TGFBR3: variants seen among roughly 807,000 people sequenced by gnomAD.
TGFBR3 encodes the protein transforming growth factor beta receptor type 3.
In TGFBR3, 46 loss-of-function variants were observed where a neutral mutation model predicts 87.9. That is an observed-to-expected ratio of 0.52 (90% CI 0.41 to 0.67). The LOEUF (loss-of-function observed/expected upper bound fraction) is 0.67, where lower values mean the gene tolerates loss of function less well. Ranked by LOEUF, TGFBR3 falls within the 30% of genes least tolerant of loss-of-function variation. The pLI, the probability that TGFBR3 is intolerant of heterozygous loss-of-function variation, is 0.00. For synonymous variants in TGFBR3, 381 were observed against 391.6 expected (o/e 0.97, Z 0.32); for missense variants, 866 against 1,041.9 (o/e 0.83, Z 2.32).
At position 91,722,054 on chromosome 1, in the gene TGFBR3, T is replaced by A. The variant is rs752812457; in HGVS notation, c.976A>T (p.Asn326Tyr). The A allele has an allele frequency of 1.5e-5, 24 of 1,613,796 alleles. No homozygotes were observed. The highest frequency in any genetic ancestry group is 1.9e-5 in the Non-Finnish European group (23 of 1,179,914). ...TTGTCCAAAGCCCACTTCACCAGAT[T>A]CCCTTGGGTTGAAGGAATGTCATCT... is the stretch of plus-strand genomic sequence containing the variant. ...IRDDIPSTQGNLVKWALDNGY... is the reference protein window; with the variant it reads ...IRDDIPSTQGYLVKWALDNGY... The change falls in exon 8 of 17, where the codon AAT (asparagine) becomes TAT (tyrosine). Residue 326 changes from asparagine to tyrosine, a missense_variant. By Grantham distance (143) the Asn-to-Tyr change is moderately radical (BLOSUM62 -2). Transcript: ENST00000212355.
At chr1:91,776,507 A>C (rs1674570949) in intron 3 of TGFBR3, among the ~76,000 whole-genome samples, 1 of 152,048 alleles carries the variant, frequency 6.6e-6, no homozygotes, top group Non-Finnish European at 1.5e-5. Context: ...AGAATACTTA[A>C]CCTCTCTTAG....
intron 2 of TGFBR3, among the ~76,000 whole-genome samples, chr1:91,849,186 C>T (rs1309119888): frequency 6.6e-6 from 1 of 152,142 alleles, no homozygotes; most frequent in East Asian, 1.9e-4. Context: ...TATTCTCAGC[C>T]CAGCAGCCAG....
intron 2 of TGFBR3, among the ~76,000 whole-genome samples, chr1:91,827,088 C>G: frequency 6.6e-6 from 1 of 152,126 alleles, no homozygotes; most frequent in East Asian, 1.9e-4. Flanking sequence ...CTTTCTGTCC[C>G]TTGCCCTCTA....
At position 91,692,489 on chromosome 1, in the gene TGFBR3, A is replaced by G. The variant is rs543729490; in HGVS notation, c.2437+3183T>C. On this transcript the variant is annotated intron_variant, in intron 16 of 16. Coordinates refer to ENST00000212355, the MANE Select transcript of TGFBR3 (RefSeq NM_003243.5). ...AAAAGTTTTACTAGAAAATAAAAAT[A>G]AAAGCATTTGTTCCTCCCTTCAAGA... Among the ~76,000 whole-genome samples, 35 of 152,318 alleles carry G rather than the reference A, an allele frequency of 2.3e-4. 1 individual carries two copies. In the South Asian group the frequency reaches 5.2e-3, roughly 23 times the overall value.
At chr1:91,771,774 T>C (rs963640906) in intron 3 of TGFBR3, among the ~76,000 whole-genome samples, 1 of 149,214 alleles carries the variant, frequency 6.7e-6, no homozygotes, top group Non-Finnish European at 1.5e-5. Context: ...TGAAGACTAA[T>C]AGCACATATA....
rs781316968 is a variant in TGFBR3 at position 91,680,507 on chromosome 1, C to T, written c.*3232G>A. 9 of 453,962 alleles carry T rather than the reference C, an allele frequency of 2.0e-5. No individual in the cohort carries two copies. The highest frequency in any genetic ancestry group is 1.2e-4 in the South Asian group (8 of 64,476). 28.1% of individuals were successfully genotyped at this position (453,962 alleles called of 1,614,324 possible). ...TGGCCACAGGGATTTTAAGGGTACT[C>T]GTTTTACCCTCATAGATGATGAAAA... On this transcript the variant is annotated 3_prime_UTR_variant, in exon 17 of 17. Coordinates refer to ENST00000212355, the MANE Select transcript of TGFBR3 (RefSeq NM_003243.5).
intron 2 of TGFBR3, among the ~76,000 whole-genome samples, chr1:91,854,733 T>A (rs1484048631): frequency 2.0e-5 from 3 of 152,188 alleles, no homozygotes; most frequent in Admixed American, 2.0e-4. Context: ...TTTTTATTTG[T>A]CAAGAGGTGC....
intron 2 of TGFBR3, among the ~76,000 whole-genome samples, chr1:91,811,224 T>C (rs1199393508): frequency 1.3e-5 from 2 of 152,074 alleles, no homozygotes; most frequent in African/African-American, 4.8e-5. Flanking sequence ...GGTGGGAGAA[T>C]CCCTTGAGCC....
At chr1:91,858,390 G>A (rs1208827622) in intron 2 of TGFBR3, among the ~76,000 whole-genome samples, 7 of 151,862 alleles carry the variant, frequency 4.6e-5, no homozygotes, top group East Asian at 1.9e-4. Context: ...CGAGGCAGGC[G>A]GATTGCCTGA....
At chr1:91,830,742 G>C (rs1471568963) in intron 2 of TGFBR3, among the ~76,000 whole-genome samples, 1 of 152,120 alleles carries the variant, frequency 6.6e-6, no homozygotes, top group Non-Finnish European at 1.5e-5. Flanking sequence ...AGGGCATAAG[G>C]AGTAGCAACT....
intron 14 of TGFBR3, among the ~76,000 whole-genome samples, chr1:91,702,766 C>T (rs893459330): frequency 2.0e-5 from 3 of 151,994 alleles, no homozygotes; most frequent in Non-Finnish European, 2.9e-5. Flanking sequence ...AAATACTGGC[C>T]GGGAGCGGTG....
chr1:91,746,449 A>G (rs1275768682), intron 4 of TGFBR3, among the ~76,000 whole-genome samples: 1 of 152,200 alleles, frequency 6.6e-6, no homozygotes, highest in African/African-American at 2.4e-5. Context: ...TGCCAATGTT[A>G]GCCTGATGGA....
At chr1:91,863,071 G>A (rs539093929) in intron 1 of TGFBR3, among the ~76,000 whole-genome samples, 15 of 152,252 alleles carry the variant, frequency 9.9e-5, no homozygotes, top group East Asian at 7.7e-4. Flanking sequence ...CTATGAGAAC[G>A]GGGGAAATAG....
At chr1:91,729,618 T>C (rs1056784953) in intron 6 of TGFBR3, among the ~76,000 whole-genome samples, 187 bp downstream of exon 6, 4 of 152,122 alleles carry the variant, frequency 2.6e-5, no homozygotes, top group Non-Finnish European at 4.4e-5. Context: ...AAAGCTTCTG[T>C]GAAACACATC....
intron 16 of TGFBR3, among the ~76,000 whole-genome samples, chr1:91,691,916 G>A (rs962974911): frequency 3.2e-4 from 49 of 152,056 alleles, no homozygotes; most frequent in African/African-American, 1.1e-3. Flanking sequence ...GAGAATGGCA[G>A]GAACCTGAGA....
At chr1:91,799,799 C>G (rs1189800298) in intron 2 of TGFBR3, among the ~76,000 whole-genome samples, 1 of 152,148 alleles carries the variant, frequency 6.6e-6, no homozygotes, top group Non-Finnish European at 1.5e-5. Flanking sequence ...AATCACCATA[C>G]TGCTCACCTC....
At chr1:91,773,450 CG>C (rs1222652160) in intron 3 of TGFBR3, among the ~76,000 whole-genome samples, 4 of 152,016 alleles carry the variant, frequency 2.6e-5, no homozygotes, top group Non-Finnish European at 5.9e-5. Context: ...GAGGCCAAGG[CG>C]GGCAGATCAC....
intron 1 of TGFBR3, among the ~76,000 whole-genome samples, chr1:91,904,718 C>A (rs1679807227): frequency 6.6e-6 from 1 of 152,118 alleles, no homozygotes; most frequent in South Asian, 2.1e-4. Context: ...GCCCCCACTG[C>A]CATGCCTGGC....
In TGFBR3 at chr1:91,758,747, T is replaced by A. The variant is rs1463945604; in HGVS notation, c.250A>T (p.Thr84Ser). The A allele has an allele frequency of 1.2e-6, 2 of 1,613,772 alleles. No individual in the cohort carries two copies. Among genetic ancestry groups the A allele is most frequent in the African/African-American group, 1.3e-5 (1 of 74,884 alleles). Residue 84 changes from threonine to serine, a missense_variant, in exon 4 of 17, where the codon ACA becomes TCA. Transcript: ENST00000212355. ...GAGGAGATGGGATTCAGGTGAAGTG[T>A]GACCTAGGAAGCAACAGAAAGAGGG... Reference protein sequence around the residue: ...QGPGQLQREVTLHLNPISSVH... With the variant: ...QGPGQLQREVSLHLNPISSVH...
Sources: gnomAD v4.1 joint callset for allele counts (sites outside exome capture counted in the v4.1 genomes callset) on GRCh38, gnomAD v4.1.1 for gene constraint, MANE v1.5 for transcripts, NCBI Gene and HGNC (gene_info 2026-07-23, HGNC 2026-07-21) for gene names.